DDAH1: variants seen among roughly 807,000 people sequenced by gnomAD.
DDAH1 encodes N(G),N(G)-dimethylarginine dimethylaminohydrolase 1.
In DDAH1, 19 loss-of-function variants were observed where a neutral mutation model predicts 28.8. That is an observed-to-expected ratio of 0.66 (90% CI 0.46 to 0.97). The LOEUF (loss-of-function observed/expected upper bound fraction) is 0.97, where lower values mean the gene tolerates loss of function less well. Ranked by LOEUF, DDAH1 falls within the 50% of genes least tolerant of loss-of-function variation. The pLI is 0.00. For missense variants in DDAH1, 326 were observed against 375.9 expected (o/e 0.87, Z 1.10); for synonymous variants, 153 against 154.4 (o/e 0.99, Z 0.07).
chr1:85,494,565 T>C (rs1380960965), intron 2 of DDAH1: 1 of 152,150 alleles, frequency 6.6e-6, no homozygotes, highest in East Asian at 1.9e-4. Flanking sequence ...CTGCTGCCCT[T>C]TGAAACAGAA....
At chr1:85,353,703 ATTAAT>A (rs905844490) in intron 2 of DDAH1, among the ~76,000 whole-genome samples, 2 of 152,158 alleles carry the variant, frequency 1.3e-5, no homozygotes, top group Admixed American at 6.5e-5. Context: ...AGGTTTATAA[ATTAAT>A]TTATTTATAA....
chr1:85,336,347 A>T (rs1489068263), intron 4 of DDAH1, among the ~76,000 whole-genome samples: 1 of 152,172 alleles, frequency 6.6e-6, no homozygotes, highest in Non-Finnish European at 1.5e-5. Context: ...CTCTTCATAG[A>T]CCATAATGGA....
At chr1:85,329,062 C>G (rs1233099316) in intron 4 of DDAH1, among the ~76,000 whole-genome samples, 2 of 152,234 alleles carry the variant, frequency 1.3e-5, no homozygotes, top group Admixed American at 1.3e-4. Flanking sequence ...ACTTTATTCA[C>G]TGGATCTAGC....
intron 1 of DDAH1, chr1:85,496,359 G>T: frequency 4.3e-6 from 1 of 234,582 alleles, no homozygotes; most frequent in Non-Finnish European, 7.0e-6. Context: ...TGATGAAATA[G>T]TCTTCTCTAG....
chr1:85,403,754 T>C (rs1421184961), intron 1 of DDAH1, among the ~76,000 whole-genome samples: 1 of 152,220 alleles, frequency 6.6e-6, no homozygotes, highest in Non-Finnish European at 1.5e-5. Flanking sequence ...CTGAATTATG[T>C]ATTAAATCAG....
chr1:85,505,657 G>C (rs1014758072), intron 1 of DDAH1, among the ~76,000 whole-genome samples: 1 of 152,152 alleles, frequency 6.6e-6, no homozygotes. Flanking sequence ...CTGATCTTGA[G>C]CAAGATTGTG....
chr1:85,424,478 A>AT (rs768261481), intron 1 of DDAH1, among the ~76,000 whole-genome samples: 14 of 152,162 alleles, frequency 9.2e-5, no homozygotes, highest in Non-Finnish European at 1.8e-4. Flanking sequence ...AACTAAGGTG[A>AT]TATCTGTCCA....
At chr1:85,420,163 T>G (rs960431724) in intron 1 of DDAH1, among the ~76,000 whole-genome samples, 2 of 152,018 alleles carry the variant, frequency 1.3e-5, no homozygotes, top group African/African-American at 4.8e-5. Context: ...CCAGGAAACC[T>G]AGGAGGGAAG....
At chr1:85,330,280 C>G (rs1647679552) in intron 4 of DDAH1, among the ~76,000 whole-genome samples, 1 of 152,192 alleles carries the variant, frequency 6.6e-6, no homozygotes, top group South Asian at 2.1e-4. Flanking sequence ...CTCCTGAGGA[C>G]TGAGCAACAG....
intron 4 of DDAH1, among the ~76,000 whole-genome samples, chr1:85,343,134 A>T (rs1161300190): frequency 1.3e-5 from 2 of 152,212 alleles, no homozygotes; most frequent in Non-Finnish European, 2.9e-5. Context: ...GACAGGATGA[A>T]CAGCACTTTT....
chr1:85,321,442 A>T lies in DDAH1; in HGVS notation c.*10T>A. On this transcript the variant is annotated 3_prime_UTR_variant, in exon 6 of 6. Transcript: ENST00000284031. ...GCGGTCTTGCCGGCTACCGGGGGGG[A>T]CTCTGCAGCTCAGGAGTCTACTTTC... is the stretch of plus-strand genomic sequence containing the variant. 1 of 1,591,624 alleles carries T rather than the reference A, an allele frequency of 6.3e-7. No individual in the cohort carries two copies. Among genetic ancestry groups the T allele is most frequent in the South Asian group, 1.1e-5 (1 of 90,598 alleles).
At chr1:85,540,324 T>G (rs900726529) in intron 1 of DDAH1, among the ~76,000 whole-genome samples, 1 of 152,180 alleles carries the variant, frequency 6.6e-6, no homozygotes, top group African/African-American at 2.4e-5. Context: ...CGTTGATTTC[T>G]GCTGTGCCTG....
chr1:85,460,848 CATTA>C (rs1271677821), intron 1 of DDAH1, among the ~76,000 whole-genome samples: 1 of 152,182 alleles, frequency 6.6e-6, no homozygotes, highest in African/African-American at 2.4e-5. Context: ...GCACTGTAGG[CATTA>C]ATTATCTACA....
chr1:85,464,082 C>T lies in DDAH1; in HGVS notation c.303+661G>A, dbSNP rs993653996. ...CTAATTAAACACGCTCGCTAGCACA[C>T]ACACCCAACACCGCACAGAGTACAG... On this transcript the variant is annotated intron_variant, in intron 1 of 5. Transcript: ENST00000284031. The surrounding 1 kb of genome is among the most constrained non-coding windows in gnomAD (Gnocchi z 4.4). 2.6e-5 allele frequency among the ~76,000 whole-genome samples: 4 copies of T among 152,356 alleles called. No individual in the cohort carries two copies. Among genetic ancestry groups the T allele is most frequent in the African/African-American group, 9.6e-5 (4 of 41,582 alleles).
At chr1:85,413,368 G>C (rs1320501155) in intron 1 of DDAH1, among the ~76,000 whole-genome samples, 1 of 152,198 alleles carries the variant, frequency 6.6e-6, no homozygotes, top group Non-Finnish European at 1.5e-5. Flanking sequence ...GTGATAATCA[G>C]CTGGGGTTTG....
At chr1:85,469,798 G>A (rs551677241), upstream of DDAH1, among the ~76,000 whole-genome samples, 96 of 152,304 alleles carry the variant, frequency 6.3e-4, no homozygotes, top group Middle Eastern at 6.8e-3. Context: ...AAATGGGGAT[G>A]TAATTATGAA....
intron 1 of DDAH1, among the ~76,000 whole-genome samples, chr1:85,408,600 T>A (rs1448584173): frequency 6.6e-6 from 1 of 152,210 alleles, no homozygotes; most frequent in Non-Finnish European, 1.5e-5. Flanking sequence ...TATGTCACAG[T>A]GTTAGCTTAC....
At chr1:85,404,518 C>T in intron 1 of DDAH1, 1 of 1,406,350 alleles carries the variant, frequency 7.1e-7, no homozygotes, top group Non-Finnish European at 9.3e-7. Context: ...AGCCATGGAG[C>T]AAATAATAAC....
intron 4 of DDAH1, among the ~76,000 whole-genome samples, chr1:85,343,197 A>G (rs1648615844): frequency 6.6e-6 from 1 of 152,040 alleles, no homozygotes; most frequent in Non-Finnish European, 1.5e-5. Flanking sequence ...GCCCAAAAGG[A>G]AAAAAAAGCA....
Sources: gnomAD v4.1 joint callset for allele counts (sites outside exome capture counted in the v4.1 genomes callset) on GRCh38, gnomAD v4.1.1 for gene constraint, Gnocchi (gnomAD v3.1) non-coding constraint, MANE v1.5 for transcripts, NCBI Gene and HGNC (gene_info 2026-07-23, HGNC 2026-07-21) for gene names.